NCOA1: variants seen among roughly 807,000 people sequenced by gnomAD.
NCOA1 encodes the protein Hin-2 protein.
A neutral mutation model predicts 150.9 loss-of-function variants in NCOA1; 35 were observed. That is an observed-to-expected ratio of 0.23 (90% CI 0.18 to 0.31). The LOEUF is 0.31. Ranked by LOEUF, NCOA1 falls within the 10% of genes least tolerant of loss-of-function variation. NCOA1 has a pLI of 1.00. For missense variants in NCOA1, 1,491 were observed against 1,749.3 expected, an observed-to-expected ratio of 0.85 and a Z score of 2.63; for synonymous variants, 590 against 630.0, an observed-to-expected ratio of 0.94 and a Z score of 0.95.
At chr2:24,621,676 C>T (rs1042989647) in intron 3 of NCOA1, among the ~76,000 whole-genome samples, 5 of 151,988 alleles carry the variant, frequency 3.3e-5, no homozygotes, top group African/African-American at 1.2e-4. Flanking sequence ...GGCAGGGTTT[C>T]ACCATGTTGG....
chr2:24,515,362 A>T (rs1664120077), intron 1 of NCOA1, among the ~76,000 whole-genome samples: 1 of 151,958 alleles, frequency 6.6e-6, no homozygotes, highest in South Asian at 2.1e-4. Flanking sequence ...CCTCCCAAGT[A>T]GCTGGGACTA....
At chr2:24,539,991 A>T (rs1022117123) in intron 1 of NCOA1, among the ~76,000 whole-genome samples, 1 of 152,206 alleles carries the variant, frequency 6.6e-6, no homozygotes, top group African/African-American at 2.4e-5. Flanking sequence ...AGTTGGGGGT[A>T]ACTGGCTATA....
At chr2:24,605,225 T>C (rs759395167) in intron 3 of NCOA1, among the ~76,000 whole-genome samples, 4 of 152,124 alleles carry the variant, frequency 2.6e-5, no homozygotes, top group Non-Finnish European at 4.4e-5. Flanking sequence ...AGGCACAAAG[T>C]GAACACATGC....
chr2:24,672,237 G>C (rs1044934104), intron 6 of NCOA1, among the ~76,000 whole-genome samples: 1 of 152,012 alleles, frequency 6.6e-6, no homozygotes, highest in African/African-American at 2.4e-5. Flanking sequence ...CTGAAAAAAG[G>C]GACAGAGGAG....
chr2:24,591,308 T>C (rs1667648395), intron 3 of NCOA1, among the ~76,000 whole-genome samples: 1 of 152,166 alleles, frequency 6.6e-6, no homozygotes. Flanking sequence ...GCAGTATATA[T>C]GGTTGTAGTT....
chr2:24,751,973 A>G lies in NCOA1; in HGVS notation c.3707-9A>G, dbSNP rs200979022. The stretch of plus-strand genomic sequence containing the variant: ...GTATCAACATAAATTAATTTGTGTC[A>G]ATTTACAGGAATGGTTCCCCAAGGT... On this transcript the variant is annotated splice_polypyrimidine_tract_variant and intron_variant, in intron 19 of 22. Coordinates refer to ENST00000348332, the MANE Select transcript of NCOA1 (RefSeq NM_003743.5). The G allele has an allele frequency of 1.2e-6, 2 of 1,602,470 alleles. No individual in the cohort carries two copies. The highest frequency in any genetic ancestry group is 4.5e-5 in the East Asian group (2 of 44,718).
intron 7 of NCOA1, among the ~76,000 whole-genome samples, chr2:24,677,461 T>G (rs1671969712): frequency 1.3e-5 from 2 of 152,208 alleles, no homozygotes; most frequent in Admixed American, 1.3e-4. Context: ...TCTTGGTCTG[T>G]CACCCAGGCT....
intron 1 of NCOA1, among the ~76,000 whole-genome samples, chr2:24,545,676 T>C (rs1443054100): frequency 6.6e-6 from 1 of 152,238 alleles, no homozygotes; most frequent in Non-Finnish European, 1.5e-5. Context: ...CATTAAAGAA[T>C]GTTGGTGATC....
At chr2:24,730,323 A>C (rs1662939610) in intron 17 of NCOA1, among the ~76,000 whole-genome samples, 1 of 152,190 alleles carries the variant, frequency 6.6e-6, no homozygotes, top group African/African-American at 2.4e-5. Flanking sequence ...CATTCAATTA[A>C]ATCAATTCAT....
At chr2:24,691,807 C>G in intron 9 of NCOA1, 147 bp downstream of exon 9, 1 of 681,284 alleles carries the variant, frequency 1.5e-6, no homozygotes, top group Non-Finnish European at 2.3e-6. Flanking sequence ...GCTATATATT[C>G]TTAATACTTA....
chr2:24,710,887 A>C, intron 13 of NCOA1, 44 bp from the exon 14 acceptor site: 1 of 1,579,748 alleles, frequency 6.3e-7, no homozygotes, highest in Non-Finnish European at 8.7e-7. Context: ...GTTTCAGGTG[A>C]AAGTGTAAAA....
At chr2:24,716,246 C>A (rs1240140008) in intron 14 of NCOA1, among the ~76,000 whole-genome samples, 1 of 121,670 alleles carries the variant, frequency 8.2e-6, no homozygotes. Context: ...ATAACAAAAA[C>A]CACTTAAAAA....
At chr2:24,633,826 T>G (rs1272071667) in intron 3 of NCOA1, among the ~76,000 whole-genome samples, 1 of 152,244 alleles carries the variant, frequency 6.6e-6, no homozygotes, top group Non-Finnish European at 1.5e-5. Context: ...CTAGAAATTC[T>G]ACTTTTGGAT....
chr2:24,676,216 T>G (rs1389804469), intron 7 of NCOA1: 1 of 154,388 alleles, frequency 6.5e-6, no homozygotes, highest in Non-Finnish European at 1.5e-5. Flanking sequence ...CGTCCCAGAT[T>G]TGTTGCCATA....
chr2:24,655,932 CA>C, intron 4 of NCOA1, among the ~76,000 whole-genome samples: 1 of 151,008 alleles, frequency 6.6e-6, no homozygotes, highest in East Asian at 1.9e-4. Flanking sequence ...ACTAAAAATA[CA>C]AAAAATTAGC....
chr2:24,685,118 T>C (rs1672343054), intron 8 of NCOA1, among the ~76,000 whole-genome samples: 1 of 152,052 alleles, frequency 6.6e-6, no homozygotes, highest in African/African-American at 2.4e-5. Flanking sequence ...ATTCACCTTA[T>C]ATACATATAT....
chr2:24,647,927 A>C (rs561900948), intron 4 of NCOA1, among the ~76,000 whole-genome samples: 1 of 152,264 alleles, frequency 6.6e-6, no homozygotes, highest in African/African-American at 2.4e-5. Context: ...AAAATGTGTG[A>C]GCATTCTTTT....
intron 1 of NCOA1, among the ~76,000 whole-genome samples, chr2:24,503,237 AAC>A (rs1348094173): frequency 1.2e-3 from 189 of 152,296 alleles, no homozygotes; most frequent in Non-Finnish European, 1.9e-3. Flanking sequence ...TTGCTTGGAG[AAC>A]GTGTTGTTCT....
intron 1 of NCOA1, among the ~76,000 whole-genome samples, chr2:24,527,826 C>T (rs2148155024): frequency 6.6e-6 from 1 of 152,286 alleles, no homozygotes; most frequent in South Asian, 2.1e-4. Context: ...GTTGCCAACA[C>T]TTGTTATCTC....
Sources: gnomAD v4.1 joint callset for allele counts (sites outside exome capture counted in the v4.1 genomes callset) on GRCh38, gnomAD v4.1.1 for gene constraint, MANE v1.5 for transcripts, NCBI Gene and HGNC (gene_info 2026-07-23, HGNC 2026-07-21) for gene names.